The following RALGAPA1 variants were observed in gnomAD, a reference collection of about 807,000 sequenced individuals.
RALGAPA1 encodes ral GTPase-activating protein subunit alpha-1.
Under a neutral mutation model 269.6 loss-of-function variants are expected in RALGAPA1, and 52 were observed. The observed-to-expected ratio is 0.19, with a 90% confidence interval of 0.15 to 0.24. RALGAPA1 has a LOEUF of 0.24. RALGAPA1 is among the 10% of genes least tolerant of loss of function. The pLI, the probability that RALGAPA1 is intolerant of heterozygous loss-of-function variation, is 1.00. For missense variants in RALGAPA1, 1,917 were observed against 3,013.9 expected (o/e 0.64, Z 8.52); for synonymous variants, 817 against 1,008.3 (o/e 0.81, Z 3.60).
chr14:35,596,873 T>C (rs1372019283), intron 36 of RALGAPA1, among the ~76,000 whole-genome samples: 1 of 152,196 alleles, frequency 6.6e-6, no homozygotes, highest in East Asian at 1.9e-4. Flanking sequence ...TATATGTTTG[T>C]ATGCACACAT....
chr14:35,548,526 G>T lies in RALGAPA1; in HGVS notation c.*5C>A. The T allele has an allele frequency of 6.3e-7, 1 of 1,576,986 alleles. No homozygotes were observed. The highest frequency in any genetic ancestry group is 1.1e-5 in the South Asian group (1 of 87,048). ...GTCTTACCTTCAGATAAACAGAACT[G>T]ATATTTAATGATCTAAAGAGGGAAA... is the stretch of plus-strand genomic sequence containing the variant. On this transcript the variant is annotated 3_prime_UTR_variant, in exon 41 of 42. Transcript: ENST00000680220.
At chr14:35,628,979 A>G (rs1380279078) in intron 33 of RALGAPA1, among the ~76,000 whole-genome samples, 1 of 151,850 alleles carries the variant, frequency 6.6e-6, no homozygotes, top group Non-Finnish European at 1.5e-5. Context: ...CAGAATCTGA[A>G]GGAGGAGGAA....
At chr14:35,769,828 A>G (rs2074482259) in intron 4 of RALGAPA1, among the ~76,000 whole-genome samples, 1 of 152,212 alleles carries the variant, frequency 6.6e-6, no homozygotes, top group African/African-American at 2.4e-5. Context: ...AATATCACAA[A>G]GAAAAGTCCA....
At chr14:35,598,413 A>T (rs752163715) in intron 36 of RALGAPA1, among the ~76,000 whole-genome samples, 11 of 150,344 alleles carry the variant, frequency 7.3e-5, no homozygotes, top group Non-Finnish European at 1.5e-4. Context: ...ATATATATAT[A>T]TTTTATTTAT....
chr14:35,737,559 C>T (rs1325333021), intron 12 of RALGAPA1, among the ~76,000 whole-genome samples: 1 of 150,428 alleles, frequency 6.6e-6, no homozygotes, highest in Non-Finnish European at 1.5e-5. Context: ...GAGTTTGAGA[C>T]CAGCTTGGCC....
At chr14:35,549,313 T>C (rs1046705162) in intron 39 of RALGAPA1, 79 bp from the exon 40 acceptor site, 44 of 1,410,058 alleles carry the variant, frequency 3.1e-5, no homozygotes, top group South Asian at 6.9e-5. Flanking sequence ...ACTGCTATGA[T>C]TGCTAAGCCA....
At chr14:35,608,456 A>T (rs1002930938) in intron 35 of RALGAPA1, among the ~76,000 whole-genome samples, 2 of 152,214 alleles carry the variant, frequency 1.3e-5, no homozygotes, top group African/African-American at 4.8e-5. Context: ...CCAAGCAAAC[A>T]CCAACCAACA....
At chr14:35,611,753 A>G (rs1213532148) in intron 35 of RALGAPA1, among the ~76,000 whole-genome samples, 1 of 152,088 alleles carries the variant, frequency 6.6e-6, no homozygotes, top group Non-Finnish European at 1.5e-5. Flanking sequence ...AGAAAAAGAG[A>G]AAACAGGAAA....
chr14:35,582,426 C>T (rs138208313), intron 37 of RALGAPA1, among the ~76,000 whole-genome samples: 1 of 152,298 alleles, frequency 6.6e-6, no homozygotes, highest in African/African-American at 2.4e-5. Flanking sequence ...TTCTTTTTAG[C>T]ATCATCAGAG....
At chr14:35,722,733 T>A (rs1197344286) in intron 15 of RALGAPA1, among the ~76,000 whole-genome samples, 3 of 152,180 alleles carry the variant, frequency 2.0e-5, no homozygotes, top group African/African-American at 7.2e-5. Context: ...ATTTCATGTC[T>A]AGGGAATGTT....
intron 12 of RALGAPA1, among the ~76,000 whole-genome samples, chr14:35,728,926 G>A (rs1281318880): frequency 2.6e-5 from 4 of 151,822 alleles, no homozygotes; most frequent in Non-Finnish European, 5.9e-5. Flanking sequence ...CTAGAGGTAG[G>A]GTTTCACTAT....
intron 31 of RALGAPA1, among the ~76,000 whole-genome samples, chr14:35,648,186 A>G (rs1228112560): frequency 6.6e-6 from 1 of 151,884 alleles, no homozygotes; most frequent in Non-Finnish European, 1.5e-5. Context: ...AGTTCCAGCT[A>G]CTTGGGAGGC....
At chr14:35,787,430 T>G (rs921080264) in intron 1 of RALGAPA1, among the ~76,000 whole-genome samples, 1 of 152,142 alleles carries the variant, frequency 6.6e-6, no homozygotes, top group East Asian at 1.9e-4. Context: ...AACAACAAAT[T>G]TTTGGTAACA....
Position 35,770,936 on chromosome 14 carries a change from A to C in RALGAPA1, c.325+6T>G. The C allele has an allele frequency of 8.0e-7, 1 of 1,243,520 alleles. No individual in the cohort carries two copies. Among genetic ancestry groups the C allele is most frequent in the Non-Finnish European group, 1.1e-6 (1 of 890,088 alleles). 77.0% of individuals were successfully genotyped at this position (1,243,520 alleles called of 1,614,324 possible). A position where few individuals can be genotyped will look rare whatever the true frequency, so the allele number is the denominator to read the frequency against. On this transcript the variant is annotated splice_donor_region_variant and intron_variant, in intron 4 of 41. Coordinates refer to ENST00000680220, the MANE Select transcript of RALGAPA1 (RefSeq NM_001346249.2). Reference sequence around the variant, plus strand: ...CAAATATGAAATACATATTTGAATTACTTACCAATACTATGAAACTGCCAT... The same window carrying C: ...CAAATATGAAATACATATTTGAATTCCTTACCAATACTATGAAACTGCCAT...
At chr14:35,757,088 TTTTA>T (rs1167489149) in intron 6 of RALGAPA1, among the ~76,000 whole-genome samples, 180 bp from the exon 7 acceptor site, 6 of 150,064 alleles carry the variant, frequency 4.0e-5, no homozygotes, top group African/African-American at 1.5e-4. Context: ...CAAAAATAAA[TTTTA>T]TTTATTTATT....
At chr14:35,700,119 A>C in intron 17 of RALGAPA1, 43 bp downstream of exon 17, 1 of 1,490,470 alleles carries the variant, frequency 6.7e-7, no homozygotes, top group Non-Finnish European at 8.9e-7. Flanking sequence ...AGAGGATTAA[A>C]AAGTGAAAAA....
intron 39 of RALGAPA1, among the ~76,000 whole-genome samples, chr14:35,569,639 T>G (rs915721368): frequency 1.3e-5 from 2 of 152,150 alleles, no homozygotes; most frequent in African/African-American, 4.8e-5. Context: ...CCTCCATGTC[T>G]CTGATTATGT....
rs555551622 is a variant in RALGAPA1 at position 35,780,463 on chromosome 14, T to C, written c.107-4718A>G. The stretch of plus-strand genomic sequence containing the variant: ...GGTATACTATCCAAAATAGACCATA[T>C]GTAAGGCCATAAAATAAACTTCAGT... On this transcript the variant is annotated intron_variant, in intron 1 of 41. Transcript: ENST00000680220. Among the ~76,000 whole-genome samples the C allele has an allele frequency of 6.6e-5, 10 of 152,336 alleles. No homozygotes were observed. In the South Asian group the frequency reaches 2.1e-3, roughly 32 times the overall value.
chr14:35,716,010 T>C, intron 16 of RALGAPA1: 1 of 985,304 alleles, frequency 1.0e-6, no homozygotes, highest in Non-Finnish European at 1.2e-6. Context: ...TCAAGTTCAC[T>C]ATGTTGCTGG....
Sources: gnomAD v4.1 joint callset for allele counts (sites outside exome capture counted in the v4.1 genomes callset) on GRCh38, gnomAD v4.1.1 for gene constraint, MANE v1.5 for transcripts, NCBI Gene and HGNC (gene_info 2026-07-23, HGNC 2026-07-21) for gene names.